ARFIP1: variants seen among roughly 807,000 people sequenced by gnomAD.
ARFIP1 encodes the protein ARF interacting protein 1.
In ARFIP1, 24 loss-of-function variants were observed where a neutral mutation model predicts 42.5. That is an observed-to-expected ratio of 0.57 (90% CI 0.41 to 0.80). The LOEUF (loss-of-function observed/expected upper bound fraction) is 0.80. Among genes scored for constraint, ARFIP1 ranks in the 30% least tolerant of loss-of-function variants. The pLI is 0.00. For synonymous variants in ARFIP1, 141 were observed against 153.7 expected, an observed-to-expected ratio of 0.92 and a Z score of 0.61; for missense variants, 354 against 434.0, an observed-to-expected ratio of 0.82 and a Z score of 1.64.
chr4:152,814,547 CA>C (rs1381909262), intron 1 of ARFIP1, among the ~76,000 whole-genome samples: 1 of 152,000 alleles, frequency 6.6e-6, no homozygotes, highest in East Asian at 1.9e-4. Context: ...CTGGTCTCTA[CA>C]AAAAATTAAA....
At chr4:152,905,468 GT>G (rs1430194755) in intron 8 of ARFIP1, among the ~76,000 whole-genome samples, 2 of 134,192 alleles carry the variant, frequency 1.5e-5, no homozygotes, top group Non-Finnish European at 3.2e-5. Context: ...TGCCATCTGT[GT>G]TTTCCTTGAT....
rs1039740529 is a variant in ARFIP1, at chr4:152,884,013, G to A, written c.791+1133G>A. Among the ~76,000 whole-genome samples, 12 of 151,968 alleles carry A rather than the reference G, an allele frequency of 7.9e-5. No individual in the cohort carries two copies. In the South Asian group the frequency reaches 2.3e-3, roughly 29 times the overall value. ...TCATCTAGTATTTTTGCAATTGAGT[G>A]CTTATTAAATATATATTTCCTTACA... On this transcript the variant is annotated intron_variant, in intron 7 of 8. Transcript: ENST00000353617.
At chr4:152,886,601 C>A (rs957422410) in intron 7 of ARFIP1, among the ~76,000 whole-genome samples, 1 of 151,954 alleles carries the variant, frequency 6.6e-6, no homozygotes, top group African/African-American at 2.4e-5. Flanking sequence ...GTCTGAGATA[C>A]CTTTTCAGAT....
intron 5 of ARFIP1, among the ~76,000 whole-genome samples, chr4:152,876,850 G>A (rs1180847371): frequency 6.6e-6 from 1 of 152,226 alleles, no homozygotes; most frequent in East Asian, 1.9e-4. Context: ...CCAATGTAGA[G>A]CTTGGGCTGT....
chr4:152,788,801 C>CT (rs138189664), intron 1 of ARFIP1, among the ~76,000 whole-genome samples: 1,404 of 113,380 alleles, frequency 0.012, 37 homozygotes, highest in East Asian at 0.078. Flanking sequence ...TCCCCAATGT[C>CT]TTTTTTTTTT....
chr4:152,855,398 C>T (rs1444461812), intron 2 of ARFIP1, among the ~76,000 whole-genome samples: 2 of 152,158 alleles, frequency 1.3e-5, no homozygotes, highest in Admixed American at 1.3e-4. Context: ...GAGGTGGCAA[C>T]AGCTGTGCTT....
chr4:152,830,530 G>A (rs1250883574), intron 2 of ARFIP1, among the ~76,000 whole-genome samples: 1 of 152,128 alleles, frequency 6.6e-6, no homozygotes, highest in Non-Finnish European at 1.5e-5. Context: ...AAAAGTAGTG[G>A]TTGAAATGTA....
At chr4:152,894,195 G>A (rs1447338483) in intron 8 of ARFIP1, among the ~76,000 whole-genome samples, 4 of 146,030 alleles carry the variant, frequency 2.7e-5, no homozygotes, top group African/African-American at 1.0e-4. Flanking sequence ...ATGACAGAGC[G>A]AGACTCTGTC....
intron 4 of ARFIP1, among the ~76,000 whole-genome samples, chr4:152,871,302 A>G (rs1734858613): frequency 6.6e-6 from 1 of 152,224 alleles, no homozygotes; most frequent in Non-Finnish European, 1.5e-5. Context: ...AATAGTTTGC[A>G]GATTGCAACA....
intron 2 of ARFIP1, among the ~76,000 whole-genome samples, chr4:152,831,626 C>T (rs1158905179): frequency 6.6e-6 from 1 of 152,238 alleles, no homozygotes; most frequent in Non-Finnish European, 1.5e-5. Flanking sequence ...ATTAACCTAA[C>T]TCTATAATCA....
chr4:152,893,001 T>C (rs1036973029), intron 8 of ARFIP1, among the ~76,000 whole-genome samples: 1 of 152,252 alleles, frequency 6.6e-6, no homozygotes, highest in Non-Finnish European at 1.5e-5. Flanking sequence ...TTACCTGTTA[T>C]TGTTTCTTTC....
intron 1 of ARFIP1, among the ~76,000 whole-genome samples, chr4:152,801,335 G>A (rs1445968989): frequency 6.6e-6 from 1 of 152,104 alleles, no homozygotes; most frequent in Non-Finnish European, 1.5e-5. Context: ...TTTCCAGACA[G>A]AGCAAAGAGC....
chr4:152,795,820 A>ATTGTTTTTTTTTT (rs1731416747), intron 1 of ARFIP1, among the ~76,000 whole-genome samples: 1 of 28,066 alleles, frequency 3.6e-5, no homozygotes, highest in Non-Finnish European at 6.2e-5. Context: ...GGCCCTTGTA[A>ATTGTTTTTTTTTT]TTTTTTTTTT....
At chr4:152,879,227 G>A (rs1735624078) in intron 5 of ARFIP1, among the ~76,000 whole-genome samples, 1 of 151,586 alleles carries the variant, frequency 6.6e-6, no homozygotes, top group Non-Finnish European at 1.5e-5. Flanking sequence ...GATGAGAATA[G>A]AAAATGTGTT....
intron 1 of ARFIP1, among the ~76,000 whole-genome samples, chr4:152,808,522 T>C (rs989329458): frequency 8.6e-5 from 13 of 151,780 alleles, no homozygotes; most frequent in African/African-American, 2.7e-4. Context: ...TGCTGGGTTA[T>C]AGGATAGTCG....
At chr4:152,815,707 C>T (rs550369767) in intron 1 of ARFIP1, among the ~76,000 whole-genome samples, 1 of 150,968 alleles carries the variant, frequency 6.6e-6, no homozygotes, top group Non-Finnish European at 1.5e-5. Flanking sequence ...GTTGTCTTTA[C>T]CTTCAGAATA....
At chr4:152,866,661 G>T (rs533715736) in intron 3 of ARFIP1, among the ~76,000 whole-genome samples, 1 of 151,974 alleles carries the variant, frequency 6.6e-6, no homozygotes, top group African/African-American at 2.4e-5. Context: ...CCTCCCGGAC[G>T]GGGTGGCTGC....
At chr4:152,889,261 G>A (rs1287009160) in intron 8 of ARFIP1, among the ~76,000 whole-genome samples, 2 of 151,640 alleles carry the variant, frequency 1.3e-5, no homozygotes, top group Admixed American at 1.3e-4. Flanking sequence ...AAACTCTCAT[G>A]GCTACTATAA....
At chr4:152,864,719 A>T (rs554178248) in intron 3 of ARFIP1, among the ~76,000 whole-genome samples, 1 of 152,184 alleles carries the variant, frequency 6.6e-6, no homozygotes, top group Non-Finnish European at 1.5e-5. Flanking sequence ...AAGCACAGTG[A>T]GGCACTCGTA....
Sources: allele counts gnomAD v4.1 joint callset (sites outside exome capture counted in the v4.1 genomes callset), GRCh38; gene constraint gnomAD v4.1.1; transcripts MANE v1.5; gene names NCBI Gene and HGNC (gene_info 2026-07-23, HGNC 2026-07-21).